CUX1: variants seen among roughly 807,000 people sequenced by gnomAD.
CUX1 encodes the protein cut like homeobox 1.
A neutral mutation model predicts 158.8 loss-of-function variants in CUX1; 31 were observed. That is an observed-to-expected ratio of 0.20 (90% confidence interval 0.15 to 0.26). The LOEUF (loss-of-function observed/expected upper bound fraction) is 0.26. Ranked by LOEUF, CUX1 falls within the 10% of genes least tolerant of loss-of-function variation. CUX1 has a pLI of 1.00. For missense variants in CUX1, 1,589 were observed against 2,014.6 expected, an observed-to-expected ratio of 0.79 and a Z score of 4.04; for synonymous variants, 879 against 862.1, an observed-to-expected ratio of 1.02 and a Z score of -0.34.
Position 102,248,475 on chromosome 7 carries a change from C to T in CUX1, c.3951C>T (p.Gly1317=), listed in dbSNP as rs1554537785. Residue 1317 remains glycine (G), a synonymous_variant, in exon 24 of 24, where the codon GGC becomes GGT. Coordinates refer to ENST00000292535, the MANE Select transcript of CUX1 (RefSeq NM_181552.4). This position sits in a 1 kb window ranked among gnomAD's most constrained non-coding sequence, Gnocchi z 5.8. ...AGGCCGGGAGTCAGGGCCAGGCGGG[C>T]GCCAGCGACTCACCCTCGGCCCGCA... The part of the protein sequence containing the change: ...EIQAGSQGQA[G]ASDSPSARSG... 16 of 1,592,954 alleles carry T rather than the reference C, an allele frequency of 1.0e-5. No homozygotes were observed. The highest frequency in any genetic ancestry group is 3.3e-4 in the Middle Eastern group (2 of 6,050).
chr7:101,821,656 CTTTTTTTCTTTTTTCTTTTTTT>C (rs1562884489), intron 1 of CUX1, among the ~76,000 whole-genome samples: 1 of 94,480 alleles, frequency 1.1e-5, no homozygotes, highest in Non-Finnish European at 2.2e-5. Flanking sequence ...CTTTTCTTTT[CTTTTTTTCTTTTTTCTTTTTTT>C]TTTTTTTTTT....
At chr7:101,879,749 C>T (rs936451408) in intron 1 of CUX1, among the ~76,000 whole-genome samples, 1 of 152,276 alleles carries the variant, frequency 6.6e-6, no homozygotes, top group African/African-American at 2.4e-5. Context: ...CCCGCAGGGT[C>T]CTTGGTGGAG....
At chr7:102,043,434 A>ATAGTCACC (rs1272918705) in intron 3 of CUX1, among the ~76,000 whole-genome samples, 1 of 151,678 alleles carries the variant, frequency 6.6e-6, no homozygotes, top group Admixed American at 6.6e-5. Context: ...ATTATTAACT[A>ATAGTCACC]TAGTCACCAT....
rs1802268128 is a variant in CUX1, at chr7:101,902,540, A to G, written c.31-13575A>G. Among the ~76,000 whole-genome samples, 3 of 152,176 alleles carry G rather than the reference A, an allele frequency of 2.0e-5. No individual in the cohort carries two copies. The South Asian group carries it at 6.2e-4, about 32-fold the overall frequency. On this transcript the variant is annotated intron_variant, in intron 1 of 23. Transcript: ENST00000292535. Reference sequence around the variant, plus strand: ...ATGTGGCCACTGGCTACCATTTTGGATAGTGCAGTTCCCATTCATCCCTCT... The same window carrying G: ...ATGTGGCCACTGGCTACCATTTTGGGTAGTGCAGTTCCCATTCATCCCTCT...
intron 3 of CUX1, among the ~76,000 whole-genome samples, chr7:102,041,932 G>A (rs561109163): frequency 8.5e-4 from 129 of 152,142 alleles, no homozygotes; most frequent in South Asian, 8.1e-3. Context: ...AGGATTTGGC[G>A]CTATCTCTCC....
Position 102,251,240 on chromosome 7 carries a change from T to A in CUX1, c.*2198T>A. 1.0e-6 allele frequency: 1 copy of A among 982,328 alleles called. No individual in the cohort carries two copies. Among genetic ancestry groups the A allele is most frequent in the Non-Finnish European group, 1.2e-6 (1 of 827,222 alleles). 60.9% of individuals were successfully genotyped at this position (982,328 alleles called of 1,614,324 possible). A position where few individuals can be genotyped will look rare whatever the true frequency, so the allele number is the denominator to read the frequency against. ...AAGTTTAATTAATATTACTTTTTTT[T>A]TTATTTGGGGGGTGGGAGGGAGTTA... On this transcript the variant is annotated 3_prime_UTR_variant, in exon 24 of 24. Coordinates refer to ENST00000292535, the MANE Select transcript of CUX1 (RefSeq NM_181552.4).
At chr7:102,198,567 C>G (rs746806727) in intron 15 of CUX1, among the ~76,000 whole-genome samples, 1 of 152,216 alleles carries the variant, frequency 6.6e-6, no homozygotes, top group Non-Finnish European at 1.5e-5. Flanking sequence ...GCCTCAATGC[C>G]GTAGGTCGCT....
chr7:101,818,353 T>G (rs1792104043), intron 1 of CUX1, among the ~76,000 whole-genome samples: 1 of 149,580 alleles, frequency 6.7e-6, no homozygotes, highest in Non-Finnish European at 1.5e-5. Flanking sequence ...ATTATTATTA[T>G]TTTTCTCTCT....
At chr7:102,199,636 C>A (rs553224543) in intron 16 of CUX1, among the ~76,000 whole-genome samples, 1 of 152,332 alleles carries the variant, frequency 6.6e-6, no homozygotes, top group Non-Finnish European at 1.5e-5. Flanking sequence ...GACAATCAGC[C>A]TCAAACCCTC....
intron 2 of CUX1, among the ~76,000 whole-genome samples, chr7:102,007,185 A>G (rs185862335): frequency 1.3e-5 from 2 of 152,282 alleles, no homozygotes; most frequent in East Asian, 3.9e-4. Context: ...TCTGTAGCGC[A>G]GGCTGGAGTG....
chr7:101,827,573 A>G (rs547811261), intron 1 of CUX1, among the ~76,000 whole-genome samples: 2 of 152,220 alleles, frequency 1.3e-5, no homozygotes, highest in Non-Finnish European at 2.9e-5. Context: ...AGCCTCCTAA[A>G]GAGCTGAGAT....
intron 5 of CUX1, among the ~76,000 whole-genome samples, chr7:102,103,124 C>A (rs1829960560): frequency 6.6e-6 from 1 of 152,178 alleles, no homozygotes. Flanking sequence ...GGGCCCCTCG[C>A]TGCCCCACAT....
In CUX1 at chr7:101,904,391, T is replaced by C. The variant is rs951531823; in HGVS notation, c.31-11724T>C. ...CCTACTGTCTACCCTAAGTCAGTAC[T>C]GTACTTCTGTTCATTTTCTGGGGGT... On this transcript the variant is annotated intron_variant, in intron 1 of 23. Transcript: ENST00000292535. Among the ~76,000 whole-genome samples, 7 of 152,292 alleles carry C rather than the reference T, an allele frequency of 4.6e-5. No homozygotes were observed. In the East Asian group the frequency reaches 9.6e-4, roughly 21 times the overall value.
chr7:102,234,238 A>G lies in CUX1; in HGVS notation c.3620A>G (p.Lys1207Arg). ...KLMDMKRMEK[K>R]AYMKRRHSSV... is the part of the protein sequence containing the mutation. ...ATGGACATGAAACGGATGGAGAAGAAAGGTAAGTCTCCCTGCCCCGCCCGG... is the reference window on the plus strand; with the variant it reads ...ATGGACATGAAACGGATGGAGAAGAGAGGTAAGTCTCCCTGCCCCGCCCGG... The change falls in exon 22 of 24, where the codon AAA (lysine) becomes AGA (arginine). Residue 1207 changes from lysine (K) to arginine (R), a missense_variant and splice_region_variant. By Grantham distance (26) the Lys-to-Arg change is conservative. Around this residue, in one of 8 missense-constraint regions of CUX1, gnomAD observed 259 missense variants for 373.8 expected, o/e 0.69. Transcript: ENST00000292535. 6.5e-7 allele frequency: 1 copy of G among 1,541,266 alleles called. No homozygotes were observed.
chr7:101,938,532 C>T (rs975185086), intron 2 of CUX1, among the ~76,000 whole-genome samples: 2 of 152,170 alleles, frequency 1.3e-5, no homozygotes, highest in Admixed American at 6.5e-5. Flanking sequence ...GATTTACACT[C>T]AGTAAGATTC....
rs201404840 is a variant in CUX1 at position 102,250,777 on chromosome 7, AGTGT to A, written c.*1737_*1740del. The A allele has an allele frequency of 1.7e-5, 17 of 985,124 alleles. No individual in the cohort carries two copies. The East Asian group carries it at 4.5e-4, about 26-fold the overall frequency. The allele number at this position is 985,124 out of a possible 1,614,324, so 61.0% of individuals were successfully genotyped here. ...ATGCGTGAGAATAGAGGCGGGTGAG[AGTGT>A]GCGTGCGTGTGCGTGTGTGCAATTT... is the stretch of plus-strand genomic sequence containing the variant. On this transcript the variant is annotated 3_prime_UTR_variant, in exon 24 of 24. Transcript: ENST00000292535.
At chr7:101,828,246 G>A (rs1008815855) in intron 1 of CUX1, among the ~76,000 whole-genome samples, 2 of 151,930 alleles carry the variant, frequency 1.3e-5, no homozygotes, top group African/African-American at 2.4e-5. Flanking sequence ...CTGGGATGAC[G>A]GGTGGGAGCC....
chr7:102,089,861 T>C (rs1426044040), intron 4 of CUX1, among the ~76,000 whole-genome samples: 1 of 152,178 alleles, frequency 6.6e-6, no homozygotes, highest in Non-Finnish European at 1.5e-5. Flanking sequence ...CCGCTTGGGT[T>C]TTTTTCTTCA....
intron 10 of CUX1, among the ~76,000 whole-genome samples, chr7:102,173,811 G>A (rs782108232): frequency 2.0e-5 from 3 of 152,140 alleles, no homozygotes; most frequent in Non-Finnish European, 4.4e-5. Context: ...GTGTTTACAT[G>A]GCACCGGTTC....
Sources: gnomAD v4.1 joint callset for allele counts (sites outside exome capture counted in the v4.1 genomes callset) on GRCh38, gnomAD v4.1.1 for gene constraint, gnomAD v4.1.1 regional missense constraint, Gnocchi (gnomAD v3.1) non-coding constraint, MANE v1.5 for transcripts, NCBI Gene and HGNC (gene_info 2026-07-23, HGNC 2026-07-21) for gene names.